Variants in UBE2E2 observed in about 807,000 individuals in gnomAD.
UBE2E2 encodes ubiquitin conjugating enzyme E2 E2.
A neutral mutation model predicts 24.7 loss-of-function variants in UBE2E2; 6 were observed. That is an observed-to-expected ratio of 0.24 (90% CI 0.13 to 0.48). The LOEUF (loss-of-function observed/expected upper bound fraction) is 0.48, where lower values mean the gene tolerates loss of function less well. Ranked by LOEUF, UBE2E2 falls within the 20% of genes least tolerant of loss-of-function variation. UBE2E2 has a pLI of 0.99. For synonymous variants in UBE2E2, 104 were observed against 83.6 expected (o/e 1.24, Z -1.33); for missense variants, 169 against 245.0 (o/e 0.69, Z 2.07).
At chr3:23,552,432 A>C (rs1695667572) in intron 5 of UBE2E2, among the ~76,000 whole-genome samples, 1 of 152,074 alleles carries the variant, frequency 6.6e-6, no homozygotes, top group Non-Finnish European at 1.5e-5. Context: ...GAGGGTGTTG[A>C]GTAGATCTGG....
chr3:23,585,427 T>C (rs1314973680), intron 5 of UBE2E2, among the ~76,000 whole-genome samples: 1 of 151,992 alleles, frequency 6.6e-6, no homozygotes, highest in African/African-American at 2.4e-5. Flanking sequence ...AAATGTGATT[T>C]AGAGGAAAGC....
intron 3 of UBE2E2, among the ~76,000 whole-genome samples, chr3:23,259,955 G>A (rs1028389945): frequency 6.6e-6 from 1 of 152,088 alleles, no homozygotes; most frequent in Non-Finnish European, 1.5e-5. Context: ...GTACTAGTCT[G>A]GAATTCTCTT....
chr3:23,311,737 T>G (rs1377638304), intron 3 of UBE2E2, among the ~76,000 whole-genome samples: 1 of 152,224 alleles, frequency 6.6e-6, no homozygotes, highest in Non-Finnish European at 1.5e-5. Context: ...TTATTTAAAT[T>G]TTTTCTTTTT....
At chr3:23,403,392 C>T (rs1340785502) in intron 3 of UBE2E2, among the ~76,000 whole-genome samples, 4 of 152,148 alleles carry the variant, frequency 2.6e-5, no homozygotes, top group South Asian at 2.1e-4. Flanking sequence ...CTACGTCAAA[C>T]GATACAACAC....
At chr3:23,488,386 G>A (rs1699425552) in intron 3 of UBE2E2, among the ~76,000 whole-genome samples, 2 of 151,942 alleles carry the variant, frequency 1.3e-5, no homozygotes, top group African/African-American at 4.8e-5. Context: ...GACAGGCCCC[G>A]ATGTGTGATG....
intron 3 of UBE2E2, among the ~76,000 whole-genome samples, chr3:23,336,867 C>T (rs907845884): frequency 3.3e-5 from 5 of 151,974 alleles, no homozygotes; most frequent in Non-Finnish European, 5.9e-5. Flanking sequence ...TGGCCGGGTG[C>T]GGTGTTGCAT....
chr3:23,415,783 T>C (rs1210342421), intron 3 of UBE2E2, among the ~76,000 whole-genome samples: 5 of 152,278 alleles, frequency 3.3e-5, no homozygotes, highest in Non-Finnish European at 5.9e-5. Flanking sequence ...CCAGGATACA[T>C]GTGCAGAACG....
intron 3 of UBE2E2, among the ~76,000 whole-genome samples, chr3:23,327,240 A>G (rs1252701192): frequency 6.6e-6 from 1 of 152,194 alleles, no homozygotes; most frequent in East Asian, 1.9e-4. Context: ...GTCCTTGAGG[A>G]ATCACCACAC....
intron 5 of UBE2E2, among the ~76,000 whole-genome samples, chr3:23,543,987 T>G (rs1485492531): frequency 6.6e-6 from 1 of 152,048 alleles, no homozygotes; most frequent in African/African-American, 2.4e-5. Context: ...CAACAAATGG[T>G]GCTGGGATAA....
In UBE2E2 at chr3:23,568,864, A is replaced by G. The variant is rs372817296; in HGVS notation, c.509-20870A>G. On this transcript the variant is annotated intron_variant, in intron 5 of 5. Transcript: ENST00000396703. ...ATAACAAGTATTGGTGAGGAAGTGG[A>G]GAATTAGACATTGCTAGTGGGAATG... 1.4e-4 allele frequency among the ~76,000 whole-genome samples: 22 copies of G among 151,966 alleles called. No individual in the cohort carries two copies. In the South Asian group the frequency reaches 2.1e-3, roughly 14 times the overall value.
intron 3 of UBE2E2, among the ~76,000 whole-genome samples, chr3:23,275,574 A>G (rs1472510327): frequency 1.3e-5 from 2 of 152,176 alleles, no homozygotes; most frequent in African/African-American, 4.8e-5. Context: ...AGAATGACTT[A>G]CCTGCTTTGT....
At chr3:23,401,276 A>G (rs1697215149) in intron 3 of UBE2E2, among the ~76,000 whole-genome samples, 1 of 152,200 alleles carries the variant, frequency 6.6e-6, no homozygotes, top group African/African-American at 2.4e-5. Flanking sequence ...TAGAATACAA[A>G]ACACTTTGGA....
intron 3 of UBE2E2, among the ~76,000 whole-genome samples, chr3:23,351,686 A>G (rs933181013): frequency 1.3e-5 from 2 of 152,210 alleles, no homozygotes; most frequent in Non-Finnish European, 2.9e-5. Flanking sequence ...AGAGCTAACT[A>G]TCCTAAATAT....
At chr3:23,377,508 C>T (rs1313224471) in intron 3 of UBE2E2, among the ~76,000 whole-genome samples, 1 of 152,146 alleles carries the variant, frequency 6.6e-6, no homozygotes, top group Non-Finnish European at 1.5e-5. Flanking sequence ...AGAGCCAGGC[C>T]AGAATGATGG....
In UBE2E2 at chr3:23,203,392, C is replaced by T; in HGVS notation, c.-81C>T. ...CCTGGGGCCTCCCCAGTCTCCCTCCCCCTCGCGCCTGGGCAGCTCTCTCCC... is the reference window on the plus strand; with the variant it reads ...CCTGGGGCCTCCCCAGTCTCCCTCCTCCTCGCGCCTGGGCAGCTCTCTCCC... On this transcript the variant is annotated 5_prime_UTR_variant, in exon 1 of 6. Transcript: ENST00000396703. 1.0e-6 allele frequency: 1 copy of T among 985,678 alleles called. No homozygotes were observed. Among genetic ancestry groups the T allele is most frequent in the African/African-American group, 1.7e-5 (1 of 57,258 alleles). The allele number at this position is 985,678 out of a possible 1,614,324, so 61.1% of individuals were successfully genotyped here. A position where few individuals can be genotyped will look rare whatever the true frequency, so the allele number is the denominator to read the frequency against.
At chr3:23,350,186 G>A (rs985128873) in intron 3 of UBE2E2, among the ~76,000 whole-genome samples, 1 of 152,206 alleles carries the variant, frequency 6.6e-6, no homozygotes, top group Admixed American at 6.5e-5. Flanking sequence ...CTGTCTGTTA[G>A]AAGGAAAACT....
intron 3 of UBE2E2, among the ~76,000 whole-genome samples, chr3:23,218,140 C>T (rs1696529573): frequency 6.6e-6 from 1 of 151,816 alleles, no homozygotes; most frequent in African/African-American, 2.4e-5. Flanking sequence ...CAACGTTGAA[C>T]GCAGGTAGAA....
intron 5 of UBE2E2, among the ~76,000 whole-genome samples, chr3:23,549,341 CCTTGCATGCAT>C (rs2125497562): frequency 6.6e-6 from 1 of 152,274 alleles, no homozygotes; most frequent in Non-Finnish European, 1.5e-5. Flanking sequence ...AGTGACATGC[CCTTGCATGCAT>C]CTTTTCAGCA....
intron 3 of UBE2E2, among the ~76,000 whole-genome samples, chr3:23,424,927 C>G (rs557786205): frequency 6.6e-6 from 1 of 152,138 alleles, no homozygotes; most frequent in East Asian, 1.9e-4. Flanking sequence ...TAATTAGAGT[C>G]AAAATAAGCA....
Sources: allele counts gnomAD v4.1 joint callset (sites outside exome capture counted in the v4.1 genomes callset), GRCh38; gene constraint gnomAD v4.1.1; transcripts MANE v1.5; gene names NCBI Gene and HGNC (gene_info 2026-07-23, HGNC 2026-07-21).